LMF1: variants seen among roughly 807,000 people sequenced by gnomAD.
LMF1 encodes transmembrane protein 112.
LMF1 carries 68 observed loss-of-function variants against 60.6 expected under a neutral mutation model. The ratio of observed to expected loss-of-function variants is 1.12; its 90% CI spans 0.92 to 1.37. LMF1 has a LOEUF of 1.37. Ranked by LOEUF, LMF1 falls within the 40% of genes most tolerant of loss-of-function variation. The pLI, the probability that LMF1 is intolerant of heterozygous loss-of-function variation, is 0.00. For missense variants in LMF1, 948 were observed against 767.2 expected, an observed-to-expected ratio of 1.24 and a Z score of -2.78; for synonymous variants, 418 against 324.7, an observed-to-expected ratio of 1.29 and a Z score of -3.09.
chr16:923,496 G>A (rs972879882), intron 3 of LMF1, among the ~76,000 whole-genome samples: 4 of 152,056 alleles, frequency 2.6e-5, no homozygotes, highest in Non-Finnish European at 2.9e-5. Flanking sequence ...CAATAGTCCC[G>A]GCTACTCAGG....
chr16:864,509 A>G (rs1340496344), intron 10 of LMF1, among the ~76,000 whole-genome samples: 1 of 152,202 alleles, frequency 6.6e-6, no homozygotes, highest in Non-Finnish European at 1.5e-5. Flanking sequence ...GTGTAGTCTA[A>G]TGTAAGTGTT....
intron 5 of LMF1, among the ~76,000 whole-genome samples, chr16:885,915 AAACGG>A (rs2070293540): frequency 6.6e-6 from 1 of 152,254 alleles, no homozygotes; most frequent in South Asian, 2.1e-4. Context: ...TTTTTGGCTC[AAACGG>A]AACTTTCACT....
At chr16:979,899 C>A in intron 1 of LMF1, 1 of 386,978 alleles carries the variant, frequency 2.6e-6, no homozygotes, top group Non-Finnish European at 5.2e-6. Flanking sequence ...CCAGGCGATG[C>A]TCTGAGGGCC....
chr16:950,491 C>CGACAGAGTCAGAGAT (rs2072420262), intron 2 of LMF1, among the ~76,000 whole-genome samples: 1 of 94,326 alleles, frequency 1.1e-5, no homozygotes, highest in South Asian at 4.5e-4. Flanking sequence ...TCAGAGCCAA[C>CGACAGAGTCAGAGAT]GACAGAGTCA....
At chr16:879,494 G>C (rs1567172116) in intron 6 of LMF1, 76 bp downstream of exon 6, 1 of 1,532,938 alleles carries the variant, frequency 6.5e-7, no homozygotes, top group Non-Finnish European at 8.9e-7. Flanking sequence ...TCCTCCCAGA[G>C]AGCGGGGCAG....
chr16:891,240 C>G (rs1461683027), intron 5 of LMF1, among the ~76,000 whole-genome samples: 1 of 152,214 alleles, frequency 6.6e-6, no homozygotes, highest in Non-Finnish European at 1.5e-5. Flanking sequence ...ACCCGTCCCC[C>G]AGAAACACCA....
At chr16:952,385 G>A (rs1420598169) in intron 2 of LMF1, among the ~76,000 whole-genome samples, 7 of 152,104 alleles carry the variant, frequency 4.6e-5, no homozygotes, top group African/African-American at 1.7e-4. Context: ...GTGCCACCAA[G>A]CCCAGATCAG....
intron 2 of LMF1, among the ~76,000 whole-genome samples, chr16:952,126 C>T (rs1391507747): frequency 6.6e-6 from 1 of 152,184 alleles, no homozygotes; most frequent in African/African-American, 2.4e-5. Context: ...ATCCCCAGGC[C>T]TCCTGCCCTG....
chr16:896,724 C>T (rs1366460958), intron 4 of LMF1, among the ~76,000 whole-genome samples: 2 of 152,178 alleles, frequency 1.3e-5, no homozygotes, highest in Non-Finnish European at 2.9e-5. Flanking sequence ...GCTCTGCTCC[C>T]TGCAGAATCC....
In LMF1 at chr16:870,655, A is replaced by G. The variant is rs113067340; in HGVS notation, c.1232+74T>C. Reference sequence around the variant, plus strand: ...TCATGGGGGCCTGCACTGTAACCCCACCTGAATGTGGCTGGTCAGGGCTGA... The same window carrying G: ...TCATGGGGGCCTGCACTGTAACCCCGCCTGAATGTGGCTGGTCAGGGCTGA... On this transcript the variant is annotated intron_variant, in intron 8 of 10. Coordinates refer to ENST00000262301, the MANE Select transcript of LMF1 (RefSeq NM_022773.4). The G allele has an allele frequency of 3.8e-4, 585 of 1,556,972 alleles. 3 individuals are homozygous for G. In the African/African-American group the frequency reaches 6.7e-3, roughly 18 times the overall value.
At chr16:864,356 A>G (rs1400811126) in intron 10 of LMF1, among the ~76,000 whole-genome samples, 2 of 152,234 alleles carry the variant, frequency 1.3e-5, no homozygotes, top group Admixed American at 6.5e-5. Context: ...CAGCTTTACA[A>G]TGGTGCGAGG....
Position 955,167 on chromosome 16 carries a change from C to T in LMF1, c.194-501G>A, listed in dbSNP as rs76214036. Among the ~76,000 whole-genome samples the T allele has an allele frequency of 3.9e-3, 293 of 74,872 alleles. 2 individuals are homozygous for T. The highest frequency in any genetic ancestry group is 5.2e-3 in the African/African-American group (52 of 9,976). 49.1% of individuals were successfully genotyped at this position (74,872 alleles called of 152,430 possible). On this transcript the variant is annotated intron_variant, in intron 1 of 10. Coordinates refer to ENST00000262301, the MANE Select transcript of LMF1 (RefSeq NM_022773.4). ...ATAAAATGCGTGCCTGCAGCAGACG[C>T]AGTGTGTGCATACACACACACACAT... is the stretch of plus-strand genomic sequence containing the variant.
intron 2 of LMF1, 124 bp from the exon 3 acceptor site, chr16:934,378 C>T (rs987144863): frequency 2.0e-5 from 24 of 1,207,390 alleles, no homozygotes; most frequent in Non-Finnish European, 2.6e-5. Context: ...GGAAGCCCTG[C>T]GAGGAGGACC....
intron 10 of LMF1, among the ~76,000 whole-genome samples, chr16:859,164 C>T (rs2069333810): frequency 1.8e-5 from 2 of 109,246 alleles, no homozygotes; most frequent in Non-Finnish European, 3.4e-5. Flanking sequence ...AGTGGTGTCT[C>T]GGGACGGGTG....
chr16:964,644 C>T (rs1224582493), intron 1 of LMF1, among the ~76,000 whole-genome samples: 2 of 152,348 alleles, frequency 1.3e-5, no homozygotes, highest in Non-Finnish European at 1.5e-5. Flanking sequence ...CCACTGAAAG[C>T]TCAGAACAAA....
chr16:863,679 G>A (rs1157322865), intron 10 of LMF1, among the ~76,000 whole-genome samples: 1 of 152,102 alleles, frequency 6.6e-6, no homozygotes, highest in African/African-American at 2.4e-5. Context: ...TTTAAGCGAT[G>A]GGGTCTTCCT....
At chr16:889,037 G>A (rs2070397461) in intron 5 of LMF1, among the ~76,000 whole-genome samples, 1 of 152,224 alleles carries the variant, frequency 6.6e-6, no homozygotes, top group East Asian at 1.9e-4. Flanking sequence ...TGCATCCCCG[G>A]TGTCTCATGG....
At position 892,789 on chromosome 16, in the gene LMF1, C is replaced by G. The variant is rs574019094; in HGVS notation, c.729+218G>C. Among the ~76,000 whole-genome samples, 10 of 152,280 alleles carry G rather than the reference C, an allele frequency of 6.6e-5. No individual in the cohort carries two copies. The East Asian group carries it at 1.5e-3, about 24-fold the overall frequency. ...GGAACCAGAGCAAACCAGCTGCACTCGAGACCATGGAGGGCCACAGACCCC... is the reference window on the plus strand; with the variant it reads ...GGAACCAGAGCAAACCAGCTGCACTGGAGACCATGGAGGGCCACAGACCCC... On this transcript the variant is annotated intron_variant, in intron 5 of 10. Transcript: ENST00000262301.
intron 4 of LMF1, among the ~76,000 whole-genome samples, chr16:895,022 G>A (rs2070622480): frequency 6.6e-6 from 1 of 152,176 alleles, no homozygotes; most frequent in African/African-American, 2.4e-5. Context: ...CCCTCAGGCA[G>A]AAGCGTGGGG....
Sources: gnomAD v4.1 joint callset for allele counts (sites outside exome capture counted in the v4.1 genomes callset) on GRCh38, gnomAD v4.1.1 for gene constraint, MANE v1.5 for transcripts, NCBI Gene and HGNC (gene_info 2026-07-23, HGNC 2026-07-21) for gene names.